Variants in SCLT1 observed in about 807,000 individuals in gnomAD.
SCLT1 encodes the protein sodium channel and clathrin linker 1, also known as sodium channel-associated protein 1.
SCLT1 carries 78 observed loss-of-function variants against 112.8 expected under a neutral mutation model. The ratio of observed to expected loss-of-function variants is 0.69; its 90% CI spans 0.58 to 0.83. The LOEUF (loss-of-function observed/expected upper bound fraction) is 0.83, where lower values mean the gene tolerates loss of function less well. Ranked by LOEUF, SCLT1 falls within the 40% of genes least tolerant of loss-of-function variation. The pLI is 0.00. For synonymous variants in SCLT1, 257 were observed against 254.7 expected (o/e 1.01, Z -0.09); for missense variants, 747 against 770.4 (o/e 0.97, Z 0.36).
intron 2 of SCLT1, among the ~76,000 whole-genome samples, chr4:129,048,998 G>A (rs985538357): frequency 1.3e-5 from 2 of 151,920 alleles, no homozygotes; most frequent in African/African-American, 4.8e-5. Flanking sequence ...TGGAGAGGAT[G>A]TGGAGAAATA....
chr4:128,962,576 T>C (rs1323284901), intron 11 of SCLT1, among the ~76,000 whole-genome samples: 1 of 152,128 alleles, frequency 6.6e-6, no homozygotes, highest in African/African-American at 2.4e-5. Flanking sequence ...ACCCCCTCTA[T>C]CATTTTGTGT....
chr4:128,934,434 T>C (rs966996557), intron 18 of SCLT1, among the ~76,000 whole-genome samples: 3 of 151,856 alleles, frequency 2.0e-5, no homozygotes, highest in African/African-American at 7.2e-5. Context: ...AGTGAATCTA[T>C]AGGTATATTG....
intron 9 of SCLT1, among the ~76,000 whole-genome samples, chr4:128,973,208 T>G (rs996924764): frequency 4.6e-5 from 7 of 152,136 alleles, no homozygotes; most frequent in Non-Finnish European, 8.8e-5. Context: ...TATATAATAC[T>G]TTATACATTA....
chr4:129,057,409 C>CTTT (rs35098310), intron 2 of SCLT1, among the ~76,000 whole-genome samples: 3 of 132,600 alleles, frequency 2.3e-5, no homozygotes, highest in Non-Finnish European at 3.2e-5. Flanking sequence ...TAATATTATT[C>CTTT]TTTTTTTTTT....
In SCLT1 at chr4:129,006,306, G is replaced by T. The variant is rs184267452; in HGVS notation, c.291-2430C>A. On this transcript the variant is annotated intron_variant, in intron 5 of 20. Coordinates refer to ENST00000281142, the MANE Select transcript of SCLT1 (RefSeq NM_144643.4). ...TGTAATCCCAGCATTTTGGTAGGCCGAAGTGGGTGGATCACGAGGTCAGGA... is the reference window on the plus strand; with the variant it reads ...TGTAATCCCAGCATTTTGGTAGGCCTAAGTGGGTGGATCACGAGGTCAGGA... Among the ~76,000 whole-genome samples, 34 of 152,138 alleles carry T rather than the reference G, an allele frequency of 2.2e-4. 1 individual carries two copies. The highest frequency in any genetic ancestry group is 2.1e-3 in the Admixed American group (32 of 15,282).
chr4:128,997,790 T>C, intron 8 of SCLT1, 84 bp downstream of exon 8: 1 of 635,802 alleles, frequency 1.6e-6, no homozygotes, highest in Admixed American at 3.6e-5. Context: ...TCGTGCAGCA[T>C]GCTTATTGTT....
chr4:129,063,379 G>C (rs897716146), intron 2 of SCLT1, among the ~76,000 whole-genome samples: 1 of 152,216 alleles, frequency 6.6e-6, no homozygotes, highest in Non-Finnish European at 1.5e-5. Flanking sequence ...CGTTTAGGGA[G>C]AATTCCTAAG....
chr4:129,000,001 A>C (rs961719717), intron 6 of SCLT1, among the ~76,000 whole-genome samples: 1 of 151,922 alleles, frequency 6.6e-6, no homozygotes, highest in African/African-American at 2.4e-5. Context: ...AAAGTTCCTT[A>C]TTTTGAAATT....
intron 10 of SCLT1, among the ~76,000 whole-genome samples, chr4:128,969,559 G>A (rs929118523): frequency 3.3e-5 from 5 of 151,804 alleles, no homozygotes; most frequent in African/African-American, 9.7e-5. Context: ...GTGACACAGC[G>A]AGACTCTGAC....
intron 17 of SCLT1, among the ~76,000 whole-genome samples, chr4:128,937,138 C>T (rs566663852): frequency 1.1e-4 from 17 of 151,906 alleles, no homozygotes; most frequent in African/African-American, 7.2e-5. Context: ...ATTAGCTGGG[C>T]GTGATGGCAC....
At chr4:128,945,977 TATC>T (rs1451878764) in intron 16 of SCLT1, 27 bp downstream of exon 16, 26 of 1,514,546 alleles carry the variant, frequency 1.7e-5, no homozygotes, top group Non-Finnish European at 2.0e-5. Flanking sequence ...CTGAAGATGT[TATC>T]ATAGAAAATC....
chr4:128,885,660 C>A (rs1253781345), intron 20 of SCLT1, among the ~76,000 whole-genome samples: 1 of 152,108 alleles, frequency 6.6e-6, no homozygotes, highest in Non-Finnish European at 1.5e-5. Context: ...TGCTTCCTGG[C>A]AAAAATGTTT....
chr4:128,989,622 A>G (rs1311036367), intron 9 of SCLT1, among the ~76,000 whole-genome samples: 1 of 151,814 alleles, frequency 6.6e-6, no homozygotes, highest in East Asian at 1.9e-4. Context: ...TAAAGAGCAG[A>G]GCAGAAATAA....
intron 18 of SCLT1, among the ~76,000 whole-genome samples, chr4:128,929,334 T>C (rs1736567526): frequency 6.6e-6 from 1 of 152,198 alleles, no homozygotes; most frequent in South Asian, 2.1e-4. Flanking sequence ...TTATTTCACG[T>C]CCATAGATTG....
chr4:129,042,871 G>A lies in SCLT1; in HGVS notation c.234+524C>T, dbSNP rs560215090. ...AGGCGGATCACGAGGTCAGGAGATC[G>A]AGACCATCCTGGCCAACATGGTGAA... On this transcript the variant is annotated intron_variant, in intron 4 of 20. Coordinates refer to ENST00000281142, the MANE Select transcript of SCLT1 (RefSeq NM_144643.4). Among the ~76,000 whole-genome samples, 13 of 152,036 alleles carry A rather than the reference G, an allele frequency of 8.6e-5. 1 individual carries two copies. Among genetic ancestry groups the A allele is most frequent in the South Asian group, 8.3e-4 (4 of 4,816 alleles).
At chr4:128,909,930 T>C (rs1734961992) in intron 18 of SCLT1, among the ~76,000 whole-genome samples, 1 of 152,178 alleles carries the variant, frequency 6.6e-6, no homozygotes, top group Non-Finnish European at 1.5e-5. Context: ...CCAGTATACT[T>C]ACTTTTTAGT....
intron 2 of SCLT1, among the ~76,000 whole-genome samples, chr4:129,059,407 G>T (rs906161340): frequency 6.6e-6 from 1 of 152,068 alleles, no homozygotes; most frequent in African/African-American, 2.4e-5. Flanking sequence ...TAGTGATAAG[G>T]TTTGATGCTT....
At chr4:129,040,006 T>C (rs1747557501) in intron 4 of SCLT1, 2 of 580,060 alleles carry the variant, frequency 3.4e-6, no homozygotes, top group South Asian at 4.2e-5. Context: ...TGTGTATTAG[T>C]CTTGATTGTG....
intron 2 of SCLT1, among the ~76,000 whole-genome samples, chr4:129,054,759 C>CA (rs1243675638): frequency 6.6e-6 from 1 of 152,092 alleles, no homozygotes; most frequent in Non-Finnish European, 1.5e-5. Context: ...GTCAATTTGT[C>CA]AGATTCATAC....
Sources: allele counts gnomAD v4.1 joint callset (sites outside exome capture counted in the v4.1 genomes callset), GRCh38; gene constraint gnomAD v4.1.1; transcripts MANE v1.5; gene names NCBI Gene and HGNC (gene_info 2026-07-23, HGNC 2026-07-21).